Variants in IMMP2L observed in about 807,000 individuals in gnomAD.
The protein encoded by IMMP2L is inner mitochondrial membrane peptidase subunit 2, also known as mitochondrial inner membrane protease subunit 2.
In IMMP2L, 18 loss-of-function variants were observed where a neutral mutation model predicts 19.3. The ratio of observed to expected loss-of-function variants is 0.93; its 90% CI spans 0.64 to 1.38. The LOEUF (loss-of-function observed/expected upper bound fraction) is 1.38, where lower values mean the gene tolerates loss of function less well. Among genes scored for constraint, IMMP2L ranks in the 40% most tolerant of loss-of-function variants. The pLI is 0.00. For missense variants in IMMP2L, 233 were observed against 218.2 expected, an observed-to-expected ratio of 1.07 and a Z score of -0.43; for synonymous variants, 76 against 73.0, an observed-to-expected ratio of 1.04 and a Z score of -0.21.
At chr7:110,764,785 G>T (rs6976233) in intron 5 of IMMP2L, among the ~76,000 whole-genome samples, 1 of 151,986 alleles carries the variant, frequency 6.6e-6, no homozygotes, top group African/African-American at 2.4e-5. Context: ...GTATTTAAGT[G>T]CAGCATCATT....
chr7:111,555,638 T>C (rs1791204250), intron 1 of IMMP2L, among the ~76,000 whole-genome samples: 1 of 152,116 alleles, frequency 6.6e-6, no homozygotes, highest in East Asian at 1.9e-4. Flanking sequence ...ACATGTGAGA[T>C]AATACAATAT....
At chr7:110,866,106 C>T (rs563662332) in intron 5 of IMMP2L, among the ~76,000 whole-genome samples, 59 of 151,942 alleles carry the variant, frequency 3.9e-4, no homozygotes, top group African/African-American at 1.4e-3. Flanking sequence ...TTTCCCATAG[C>T]AAAGCCTGAT....
At chr7:111,504,233 A>G (rs1408750854) in intron 2 of IMMP2L, among the ~76,000 whole-genome samples, 2 of 152,176 alleles carry the variant, frequency 1.3e-5, no homozygotes, top group African/African-American at 2.4e-5. Context: ...TGCTTCAAAG[A>G]GAATAAAATA....
chr7:111,496,647 T>C (rs982444002), intron 2 of IMMP2L, among the ~76,000 whole-genome samples: 7 of 152,148 alleles, frequency 4.6e-5, no homozygotes, highest in African/African-American at 1.7e-4. Flanking sequence ...TCTCTTTCCA[T>C]TGCAAATCTT....
chr7:110,738,835 TG>T (rs1796811282), intron 5 of IMMP2L, among the ~76,000 whole-genome samples: 1 of 152,170 alleles, frequency 6.6e-6, no homozygotes, highest in South Asian at 2.1e-4. Flanking sequence ...GGTTCTGTAA[TG>T]GAAAACCTAT....
chr7:110,706,724 C>A lies in IMMP2L; in HGVS notation c.409-43003G>T, dbSNP rs115409060. On this transcript the variant is annotated intron_variant, in intron 5 of 5. Transcript: ENST00000405709. ...TTTTGCTTGTTGATTTCCTTAAGTT[C>A]CTTATAGATTCTGAATATTAGATCT... Among the ~76,000 whole-genome samples the A allele has an allele frequency of 4.9e-3, 745 of 152,094 alleles. 8 individuals are homozygous for A. The highest frequency in any genetic ancestry group is 0.017 in the African/African-American group (717 of 41,492).
At chr7:110,984,050 T>A (rs573412113) in intron 3 of IMMP2L, among the ~76,000 whole-genome samples, 1 of 151,902 alleles carries the variant, frequency 6.6e-6, no homozygotes, top group Non-Finnish European at 1.5e-5. Flanking sequence ...TCAAAGGGAT[T>A]TGGATATGAT....
At chr7:110,756,959 T>C (rs569553972) in intron 5 of IMMP2L, among the ~76,000 whole-genome samples, 43 of 152,194 alleles carry the variant, frequency 2.8e-4, no homozygotes, top group Admixed American at 1.7e-3. Context: ...ATTTTATTTG[T>C]ATGTATTTAT....
At chr7:111,108,148 A>T (rs1463631997) in intron 3 of IMMP2L, among the ~76,000 whole-genome samples, 1 of 148,522 alleles carries the variant, frequency 6.7e-6, no homozygotes, top group Non-Finnish European at 1.5e-5. Context: ...GGAGACAAAA[A>T]CCTCACAGAT....
intron 3 of IMMP2L, among the ~76,000 whole-genome samples, chr7:111,089,033 A>C (rs1796588174): frequency 6.6e-6 from 1 of 152,308 alleles, no homozygotes; most frequent in African/African-American, 2.4e-5. Flanking sequence ...TTTATCATGT[A>C]CCTACATTAA....
At chr7:111,328,264 G>A (rs1266492672) in intron 3 of IMMP2L, among the ~76,000 whole-genome samples, 1 of 151,642 alleles carries the variant, frequency 6.6e-6, no homozygotes, top group Non-Finnish European at 1.5e-5. Flanking sequence ...GAATATTAAA[G>A]ATGTTTCAAA....
chr7:110,675,061 T>C (rs1792197961), intron 5 of IMMP2L, among the ~76,000 whole-genome samples: 1 of 152,196 alleles, frequency 6.6e-6, no homozygotes, highest in African/African-American at 2.4e-5. Context: ...TAAAGATCAA[T>C]ATATTTGAGT....
intron 1 of IMMP2L, among the ~76,000 whole-genome samples, chr7:111,533,954 A>C (rs1225387991): frequency 2.0e-5 from 3 of 152,026 alleles, no homozygotes; most frequent in Admixed American, 1.3e-4. Context: ...CACAATTCTT[A>C]TAAAGTATAA....
chr7:110,986,601 T>G (rs1261948005), intron 3 of IMMP2L, among the ~76,000 whole-genome samples: 4 of 152,128 alleles, frequency 2.6e-5, no homozygotes, highest in Non-Finnish European at 5.9e-5. Flanking sequence ...GGTGTGAAGC[T>G]TCTTCCAGCT....
At chr7:111,363,634 G>A (rs990438754) in intron 3 of IMMP2L, among the ~76,000 whole-genome samples, 9 of 151,888 alleles carry the variant, frequency 5.9e-5, no homozygotes, top group African/African-American at 2.2e-4. Flanking sequence ...GTCTGCCTAC[G>A]GTCTTTCCCC....
At chr7:110,670,706 A>C (rs1791848281) in intron 5 of IMMP2L, among the ~76,000 whole-genome samples, 1 of 144,554 alleles carries the variant, frequency 6.9e-6, no homozygotes, top group African/African-American at 2.6e-5. Flanking sequence ...AAAAAAAAAC[A>C]AAAAAAACAA....
intron 3 of IMMP2L, among the ~76,000 whole-genome samples, chr7:111,018,360 A>G (rs941722703): frequency 1.3e-5 from 2 of 152,210 alleles, no homozygotes; most frequent in African/African-American, 4.8e-5. Context: ...TTGATGATAT[A>G]CATAGGAACC....
intron 5 of IMMP2L, among the ~76,000 whole-genome samples, chr7:110,689,232 T>C (rs915259181): frequency 6.6e-6 from 1 of 152,162 alleles, no homozygotes; most frequent in Non-Finnish European, 1.5e-5. Context: ...AAAAAGGAAA[T>C]ATGGTATTTT....
At chr7:111,552,628 C>G (rs888255487) in intron 1 of IMMP2L, among the ~76,000 whole-genome samples, 6 of 152,158 alleles carry the variant, frequency 3.9e-5, no homozygotes, top group Non-Finnish European at 8.8e-5. Flanking sequence ...ACAAAGGACT[C>G]TCACATAAAT....
Sources: allele counts gnomAD v4.1 joint callset (sites outside exome capture counted in the v4.1 genomes callset), GRCh38; gene constraint gnomAD v4.1.1; transcripts MANE v1.5; gene names NCBI Gene and HGNC (gene_info 2026-07-23, HGNC 2026-07-21).